Variants in CDKAL1 observed in about 807,000 individuals in gnomAD.
The protein encoded by CDKAL1 is CDKAL1 threonylcarbamoyladenosine tRNA methylthiotransferase.
CDKAL1 carries 32 observed loss-of-function variants against 68.2 expected under a neutral mutation model. The observed-to-expected ratio is 0.47, with a 90% CI of 0.35 to 0.63. The LOEUF (loss-of-function observed/expected upper bound fraction) is 0.63, where lower values mean the gene tolerates loss of function less well. CDKAL1 is among the 30% of genes least tolerant of loss of function. The pLI is 0.00. For synonymous variants in CDKAL1, 234 were observed against 244.3 expected, an observed-to-expected ratio of 0.96 and a Z score of 0.39; for missense variants, 606 against 696.7, an observed-to-expected ratio of 0.87 and a Z score of 1.47.
chr6:21,053,993 T>C (rs985829558), intron 11 of CDKAL1, among the ~76,000 whole-genome samples: 1 of 152,176 alleles, frequency 6.6e-6, no homozygotes, highest in African/African-American at 2.4e-5. Context: ...GATTGTGCTT[T>C]CGGTGTTGGC....
At chr6:20,584,046 CTT>C (rs56742923) in intron 4 of CDKAL1, among the ~76,000 whole-genome samples, 10,082 of 140,510 alleles carry the variant, frequency 0.072, 477 homozygotes, top group African/African-American at 0.14. Context: ...TGCTGGTTTC[CTT>C]TTTTTTTTTT....
intron 4 of CDKAL1, among the ~76,000 whole-genome samples, chr6:20,560,421 C>G (rs1296964451): frequency 1.3e-5 from 2 of 152,170 alleles, no homozygotes; most frequent in Admixed American, 1.3e-4. Context: ...TTGACACCTT[C>G]ATTGCTCTGT....
At chr6:20,693,919 C>G (rs1770984171) in intron 5 of CDKAL1, among the ~76,000 whole-genome samples, 1 of 150,944 alleles carries the variant, frequency 6.6e-6, no homozygotes, top group South Asian at 2.1e-4. Flanking sequence ...GTCACCCAAG[C>G]TGGAGTGCAG....
At chr6:20,583,538 T>C (rs1765220884) in intron 4 of CDKAL1, among the ~76,000 whole-genome samples, 1 of 152,136 alleles carries the variant, frequency 6.6e-6, no homozygotes, top group African/African-American at 2.4e-5. Context: ...AATATTTGCA[T>C]GATAATCTAC....
intron 9 of CDKAL1, among the ~76,000 whole-genome samples, chr6:20,897,777 T>A (rs903488211): frequency 6.6e-6 from 1 of 152,294 alleles, no homozygotes; most frequent in East Asian, 1.9e-4. Flanking sequence ...TATGGAATAT[T>A]TACAGCAAGT....
chr6:20,849,073 C>T (rs1348072834), intron 9 of CDKAL1, among the ~76,000 whole-genome samples: 1 of 151,258 alleles, frequency 6.6e-6, no homozygotes, highest in Non-Finnish European at 1.5e-5. Context: ...GTGTGAGCCA[C>T]TGCACCCAGC....
intron 15 of CDKAL1, among the ~76,000 whole-genome samples, chr6:21,213,217 G>C (rs1467664154): frequency 6.6e-6 from 1 of 152,212 alleles, no homozygotes; most frequent in East Asian, 1.9e-4. Flanking sequence ...GGGAGGAATA[G>C]AGTCCATTTG....
chr6:20,646,048 ATT>A (rs1171622769), intron 4 of CDKAL1, among the ~76,000 whole-genome samples: 3 of 87,398 alleles, frequency 3.4e-5, no homozygotes, highest in Admixed American at 1.8e-4. Flanking sequence ...TCACGGTTAA[ATT>A]TTTTTTTTTT....
chr6:21,064,920 CTA>C (rs1163049271), intron 11 of CDKAL1, 126 bp from the exon 12 acceptor site: 1 of 562,518 alleles, frequency 1.8e-6, no homozygotes, highest in Non-Finnish European at 2.9e-6. Flanking sequence ...CTCTTTGAAA[CTA>C]TTTGCACGTG....
At chr6:20,844,470 C>G (rs1261079485) in intron 8 of CDKAL1, among the ~76,000 whole-genome samples, 6 of 152,040 alleles carry the variant, frequency 3.9e-5, no homozygotes, top group Non-Finnish European at 8.8e-5. Context: ...GAGCAGGCTA[C>G]TTATCTGATT....
At chr6:20,999,609 G>A (rs1003277087) in intron 10 of CDKAL1, among the ~76,000 whole-genome samples, 2 of 145,330 alleles carry the variant, frequency 1.4e-5, no homozygotes, top group Non-Finnish European at 3.0e-5. Flanking sequence ...TGGCCTCACT[G>A]TCGGGTCATG....
At chr6:21,065,013 T>G (rs1034617674) in intron 11 of CDKAL1, 35 bp from the exon 12 acceptor site, 3 of 1,316,022 alleles carry the variant, frequency 2.3e-6, no homozygotes, top group Admixed American at 2.4e-5. Flanking sequence ...TGGCTTATAG[T>G]CAAGTTTTTA....
intron 13 of CDKAL1, among the ~76,000 whole-genome samples, chr6:21,194,188 C>T (rs1429200418): frequency 6.6e-6 from 1 of 152,246 alleles, no homozygotes; most frequent in Non-Finnish European, 1.5e-5. Flanking sequence ...AACACTGTTA[C>T]ATTGTCAATT....
intron 1 of CDKAL1, 51 bp downstream of exon 1, chr6:20,534,625 T>C (rs1763096631): frequency 6.5e-6 from 1 of 152,672 alleles, no homozygotes; most frequent in Non-Finnish European, 1.5e-5. Flanking sequence ...CACAGCTCCT[T>C]TTATGGCCAA....
chr6:20,865,703 A>G (rs1388193402), intron 9 of CDKAL1, among the ~76,000 whole-genome samples: 1 of 152,174 alleles, frequency 6.6e-6, no homozygotes, highest in Non-Finnish European at 1.5e-5. Flanking sequence ...TCTGCATTTC[A>G]TGTTTTAGAA....
At chr6:20,949,444 TTATATG>T (rs1408494854) in intron 9 of CDKAL1, among the ~76,000 whole-genome samples, 1 of 152,212 alleles carries the variant, frequency 6.6e-6, no homozygotes, top group East Asian at 1.9e-4. Flanking sequence ...ATATGTGTGT[TTATATG>T]TATGTGTGTA....
chr6:20,725,668 C>T (rs563674211), intron 5 of CDKAL1, among the ~76,000 whole-genome samples: 51 of 152,064 alleles, frequency 3.4e-4, no homozygotes, highest in Non-Finnish European at 6.2e-4. Flanking sequence ...CCTGTAATCC[C>T]AGCTATGCGG....
At chr6:21,197,452 A>C (rs1310132169) in intron 13 of CDKAL1, among the ~76,000 whole-genome samples, 1 of 152,212 alleles carries the variant, frequency 6.6e-6, no homozygotes, top group African/African-American at 2.4e-5. Flanking sequence ...GAAAATGTAT[A>C]TAATAAGTAA....
intron 8 of CDKAL1, among the ~76,000 whole-genome samples, chr6:20,793,842 T>C (rs1453998440): frequency 4.7e-5 from 7 of 147,932 alleles, no homozygotes; most frequent in African/African-American, 2.5e-5. Flanking sequence ...ATATAATATA[T>C]ATATACATAT....
Sources: allele counts gnomAD v4.1 joint callset (sites outside exome capture counted in the v4.1 genomes callset), GRCh38; gene constraint gnomAD v4.1.1; transcripts MANE v1.5; gene names NCBI Gene and HGNC (gene_info 2026-07-23, HGNC 2026-07-21).